Variants in ZNF710 observed in about 807,000 individuals in gnomAD.
ZNF710 encodes zinc finger protein 710.
A neutral mutation model predicts 50.6 loss-of-function variants in ZNF710; 13 were observed. The ratio of observed to expected loss-of-function variants is 0.26; its 90% CI spans 0.17 to 0.41. The LOEUF (loss-of-function observed/expected upper bound fraction) is 0.41, where lower values mean the gene tolerates loss of function less well. Ranked by LOEUF, ZNF710 falls within the 10% of genes least tolerant of loss-of-function variation. The pLI is 1.00. For missense variants in ZNF710, 721 were observed against 936.6 expected, an observed-to-expected ratio of 0.77 and a Z score of 3.01; for synonymous variants, 383 against 397.0, an observed-to-expected ratio of 0.96 and a Z score of 0.42.
intron 1 of ZNF710, among the ~76,000 whole-genome samples, chr15:90,021,996 C>T (rs1567223441): frequency 6.6e-6 from 1 of 152,016 alleles, no homozygotes; most frequent in African/African-American, 2.4e-5. Context: ...GCAGGAGAAT[C>T]GCTTGAACCA....
At chr15:90,019,187 C>CTTTTTTTTTTTTTTTTTTTTTTT (rs11285838) in intron 1 of ZNF710, among the ~76,000 whole-genome samples, 10 of 89,390 alleles carry the variant, frequency 1.1e-4, no homozygotes, top group African/African-American at 2.2e-4. Flanking sequence ...CTTTTTCTTT[C>CTTTTTTTTTTTTTTTTTTTTTTT]TTTTTTTTTT....
intron 1 of ZNF710, among the ~76,000 whole-genome samples, chr15:90,016,627 A>G (rs1312315296): frequency 6.6e-6 from 1 of 152,004 alleles, no homozygotes; most frequent in Non-Finnish European, 1.5e-5. Flanking sequence ...TTTTTTGTAG[A>G]GGTGGGGTCT....
intron 1 of ZNF710, among the ~76,000 whole-genome samples, chr15:90,035,455 A>G (rs1342561046): frequency 6.6e-6 from 1 of 152,212 alleles, no homozygotes; most frequent in Non-Finnish European, 1.5e-5. Context: ...TCCCAGGGCT[A>G]GGAGGGTATT....
At chr15:90,057,690 A>AAAT (rs71151550) in intron 1 of ZNF710, among the ~76,000 whole-genome samples, 23,565 of 139,378 alleles carry the variant, frequency 0.17, 2,137 homozygotes, top group East Asian at 0.29. Context: ...GAGCAAGACT[A>AAAT]AATAATAATA....
chr15:90,026,606 T>C (rs918354744), intron 1 of ZNF710, among the ~76,000 whole-genome samples: 1 of 152,052 alleles, frequency 6.6e-6, no homozygotes, highest in African/African-American at 2.4e-5. Flanking sequence ...ATATTAAACA[T>C]GGCAAAGAGA....
At chr15:90,038,740 T>TGTGTGTGAGA (rs150950322) in intron 1 of ZNF710, among the ~76,000 whole-genome samples, 56 of 148,642 alleles carry the variant, frequency 3.8e-4, no homozygotes, top group African/African-American at 1.4e-3. Context: ...TGTGTGTGTG[T>TGTGTGTGAGA]GAGACATTGG....
chr15:90,005,245 G>A (rs923283157), intron 1 of ZNF710, among the ~76,000 whole-genome samples: 11 of 152,124 alleles, frequency 7.2e-5, no homozygotes, highest in African/African-American at 2.4e-4. Flanking sequence ...CTGGACATTA[G>A]GGAAGATTTG....
intron 1 of ZNF710, among the ~76,000 whole-genome samples, chr15:90,029,601 T>G (rs181378889): frequency 4.0e-4 from 61 of 152,192 alleles, no homozygotes; most frequent in Middle Eastern, 3.4e-3. Flanking sequence ...ACCCAGTCTC[T>G]ACAAAAAAAT....
intron 1 of ZNF710, among the ~76,000 whole-genome samples, chr15:90,055,366 G>A (rs894399667): frequency 2.0e-5 from 3 of 152,154 alleles, no homozygotes; most frequent in Non-Finnish European, 2.9e-5. Flanking sequence ...TGCAGGTGAG[G>A]TCTATTAAAG....
intron 1 of ZNF710, among the ~76,000 whole-genome samples, chr15:90,033,569 A>G (rs2151487357): frequency 6.6e-6 from 1 of 152,080 alleles, no homozygotes; most frequent in South Asian, 2.1e-4. Context: ...TTTTTTAGAG[A>G]CAGGTTCTCA....
At chr15:90,032,431 C>T (rs1898975690) in intron 1 of ZNF710, among the ~76,000 whole-genome samples, 1 of 152,082 alleles carries the variant, frequency 6.6e-6, no homozygotes, top group Admixed American at 6.5e-5. Context: ...AGAGGAGAGG[C>T]AGATTGGATG....
chr15:90,068,445 G>C lies in ZNF710; in HGVS notation c.1308G>C (p.Gln436His), dbSNP rs139621104. Residue 436 changes from glutamine (Q) to histidine (H), a missense_variant, in exon 2 of 5, where the codon CAG (glutamine) becomes CAC (histidine). Gln to His is a conservative substitution (Grantham distance 24, BLOSUM62 0). Transcript: ENST00000268154. This position sits in a 1 kb window ranked among gnomAD's most constrained non-coding sequence, Gnocchi z 5.0. ...CCCACCAGGGCCCCACCCTCTACCA[G>C]TGCCTCGAGTGTGACAAGTCCTTCC... ...LASHQGPTLY[Q>H]CLECDKSFHY... The C allele has an allele frequency of 1.2e-6, 2 of 1,613,988 alleles. No homozygotes were observed. The highest frequency in any genetic ancestry group is 2.7e-5 in the African/African-American group (2 of 74,942).
Position 90,079,741 on chromosome 15 carries a change from A to G in ZNF710, c.1907A>G (p.Tyr636Cys). Residue 636 changes from tyrosine to cysteine, a missense_variant, in exon 5 of 5, where the codon TAC becomes TGC. Coordinates refer to ENST00000268154, the MANE Select transcript of ZNF710 (RefSeq NM_198526.4). ...ATGGAGGACTTCGAGGAGAACGCCT[A>G]CAGCTATGCGAGCGTGGACAGCAGC... ...QEMEDFEENA[Y>C]SYASVDSSAE... 1.9e-6 allele frequency: 3 copies of G among 1,613,856 alleles called. No individual in the cohort carries two copies. Among genetic ancestry groups the G allele is most frequent in the Non-Finnish European group, 2.5e-6 (3 of 1,179,910 alleles).
intron 1 of ZNF710, among the ~76,000 whole-genome samples, chr15:90,021,666 G>A (rs1430998349): frequency 2.0e-5 from 3 of 152,300 alleles, no homozygotes; most frequent in South Asian, 4.1e-4. Context: ...AGTCCAGAAG[G>A]GGTACTAGAT....
At chr15:90,024,659 C>T (rs1235529977) in intron 1 of ZNF710, among the ~76,000 whole-genome samples, 1 of 152,188 alleles carries the variant, frequency 6.6e-6, no homozygotes. Context: ...CTTGCCATGC[C>T]CCCTCTTCCT....
intron 1 of ZNF710, chr15:90,045,243 A>C: frequency 1.4e-6 from 1 of 710,518 alleles, no homozygotes; most frequent in Non-Finnish European, 1.7e-6. Context: ...CATGTTTGCC[A>C]GGCAGAAAAG....
At chr15:90,000,091 C>G (rs138220250), upstream of ZNF710, among the ~76,000 whole-genome samples, 1 of 152,210 alleles carries the variant, frequency 6.6e-6, no homozygotes, top group Non-Finnish European at 1.5e-5. Flanking sequence ...GGCCCGGCAT[C>G]CAGCAGGTGC....
At chr15:90,072,015 A>G (rs2151534399) in intron 2 of ZNF710, among the ~76,000 whole-genome samples, 1 of 152,080 alleles carries the variant, frequency 6.6e-6, no homozygotes, top group African/African-American at 2.4e-5. Flanking sequence ...TGTTGTCCAC[A>G]CTAGTCTTGA....
intron 1 of ZNF710, among the ~76,000 whole-genome samples, chr15:90,007,654 T>C (rs1898173491): frequency 6.6e-6 from 1 of 150,862 alleles, no homozygotes; most frequent in African/African-American, 2.4e-5. Flanking sequence ...TTGAATACCT[T>C]TCTGGAGGTC....
Sources: allele counts gnomAD v4.1 joint callset (sites outside exome capture counted in the v4.1 genomes callset), GRCh38; gene constraint gnomAD v4.1.1; non-coding constraint Gnocchi (gnomAD v3.1); transcripts MANE v1.5; gene names NCBI Gene and HGNC (gene_info 2026-07-23, HGNC 2026-07-21).